The following C14orf39 variants were observed in gnomAD, a reference collection of about 807,000 sequenced individuals.
The protein encoded by C14orf39 is protein SIX6OS1.
In C14orf39, 66 loss-of-function variants were observed where a neutral mutation model predicts 85.6. That is an observed-to-expected ratio of 0.77 (90% confidence interval 0.63 to 0.95). The LOEUF (loss-of-function observed/expected upper bound fraction) is 0.95, where lower values mean the gene tolerates loss of function less well. C14orf39 is among the 40% of genes least tolerant of loss of function. C14orf39 has a pLI of 0.00. For missense variants in C14orf39, 735 were observed against 663.9 expected (o/e 1.11, Z -1.18); for synonymous variants, 242 against 214.0 (o/e 1.13, Z -1.14).
At chr14:60,451,905 G>A (rs1048868459) in intron 16 of C14orf39, among the ~76,000 whole-genome samples, 1 of 151,898 alleles carries the variant, frequency 6.6e-6, no homozygotes, top group African/African-American at 2.4e-5. Flanking sequence ...ATCTCAGGCT[G>A]GGCATGGTGG....
chr14:60,443,602 G>A (rs1203983639), intron 16 of C14orf39, among the ~76,000 whole-genome samples: 1 of 152,182 alleles, frequency 6.6e-6, no homozygotes, highest in Non-Finnish European at 1.5e-5. Flanking sequence ...GGGCACAGCT[G>A]AACAAAAGGC....
chr14:60,449,699 C>T (rs890938570), intron 16 of C14orf39, among the ~76,000 whole-genome samples: 2 of 151,862 alleles, frequency 1.3e-5, no homozygotes, highest in East Asian at 1.9e-4. Context: ...TTTGTTTTTC[C>T]ATTTCACTGA....
intron 4 of C14orf39, among the ~76,000 whole-genome samples, chr14:60,481,492 ATTT>A (rs976220095): frequency 6.6e-6 from 1 of 151,194 alleles, no homozygotes; most frequent in Non-Finnish European, 1.5e-5. Flanking sequence ...CTCCATCTCT[ATTT>A]TTTTTTAAAT....
chr14:60,475,342 C>T (rs760929403), intron 5 of C14orf39, among the ~76,000 whole-genome samples: 5 of 151,788 alleles, frequency 3.3e-5, no homozygotes, highest in Admixed American at 6.6e-5. Context: ...TTCAAAAAAC[C>T]GGCTCCTACA....
chr14:60,469,536 G>C lies in C14orf39; in HGVS notation c.672C>G (p.Asn224Lys), dbSNP rs146480248. ...AAATATATAACAAAATATATACCTGGTTTAAATAATTAATTTCTATTTCCA... is the reference window on the plus strand; with the variant it reads ...AAATATATAACAAAATATATACCTGCTTTAAATAATTAATTTCTATTTCCA... ...DEMEIEINYL[N>K]QQISRHNETK... Residue 224 changes from asparagine (N) to lysine (K), a missense_variant, in exon 8 of 18, where the codon AAC becomes AAG. Transcript: ENST00000321731. 9.7e-6 allele frequency: 13 copies of C among 1,346,620 alleles called. No homozygotes were observed. In the African/African-American group the frequency reaches 1.6e-4, roughly 17 times the overall value. 83.4% of individuals were successfully genotyped at this position (1,346,620 alleles called of 1,614,324 possible). A position where few individuals can be genotyped will look rare whatever the true frequency, so the allele number is the denominator to read the frequency against.
At chr14:60,507,698 T>C (rs761680938) in intron 1 of C14orf39, among the ~76,000 whole-genome samples, 1 of 152,106 alleles carries the variant, frequency 6.6e-6, no homozygotes. Flanking sequence ...CCTCCAACCA[T>C]CTGTGCTATC....
At chr14:60,437,104 A>G (rs1566650686) in intron 17 of C14orf39, 57 bp from the exon 18 acceptor site, 1 of 1,184,284 alleles carries the variant, frequency 8.4e-7, no homozygotes, top group East Asian at 2.4e-5. Flanking sequence ...AATTTTTATA[A>G]CCTACTGAAT....
chr14:60,510,858 A>C (rs1307287745), intron 1 of C14orf39, among the ~76,000 whole-genome samples: 1 of 152,234 alleles, frequency 6.6e-6, no homozygotes, highest in East Asian at 1.9e-4. Flanking sequence ...TGCGGCGCTG[A>C]GAAAGGGCGC....
chr14:60,461,654 G>C lies in C14orf39; in HGVS notation c.973-61C>G, dbSNP rs566682394. 5.1e-5 allele frequency: 51 copies of C among 998,646 alleles called. No homozygotes were observed. The South Asian group carries it at 5.4e-4, about 11-fold the overall frequency. The allele number at this position is 998,646 out of a possible 1,614,324, so 61.9% of individuals were successfully genotyped here. On this transcript the variant is annotated intron_variant, in intron 11 of 17. Transcript: ENST00000321731. The stretch of plus-strand genomic sequence containing the variant: ...ACAAAGCAATAAAAATTTTTTGCTT[G>C]TCGTTAGCAACTCAGAACTCTCATT...
chr14:60,507,349 G>A (rs953280273), intron 1 of C14orf39, among the ~76,000 whole-genome samples: 2 of 152,178 alleles, frequency 1.3e-5, no homozygotes, highest in African/African-American at 4.8e-5. Context: ...CGTGTTCGGG[G>A]CCCTTGTATC....
At chr14:60,469,897 G>C (rs571454731) in intron 7 of C14orf39, among the ~76,000 whole-genome samples, 1 of 147,430 alleles carries the variant, frequency 6.8e-6, no homozygotes, top group South Asian at 2.1e-4. Context: ...ATATTTGTTA[G>C]GATTATTTCA....
intron 9 of C14orf39, among the ~76,000 whole-genome samples, 157 bp from the exon 10 acceptor site, chr14:60,467,201 T>G (rs1451572905): frequency 6.6e-6 from 1 of 151,840 alleles, no homozygotes; most frequent in Non-Finnish European, 1.5e-5. Context: ...CCAAAATGAC[T>G]GAATTACTTA....
intron 1 of C14orf39, chr14:60,510,053 T>C: frequency 8.2e-7 from 1 of 1,226,372 alleles, no homozygotes. Flanking sequence ...ACCCAGTCCC[T>C]GGCGACTCCA....
intron 4 of C14orf39, 52 bp from the exon 5 acceptor site, chr14:60,478,441 G>C: frequency 2.3e-6 from 2 of 854,804 alleles, no homozygotes; most frequent in South Asian, 3.9e-5. Context: ...TAAACAAATT[G>C]ATAGAGATAA....
rs999630000 is a variant in C14orf39, at chr14:60,466,908, A to G, written c.895+9T>C. On this transcript the variant is annotated intron_variant, in intron 10 of 17. Transcript: ENST00000321731. ...AATGATGTTTTTGAATAACAAACAG[A>G]TATTATACCTGCAACTCTTGGTTCT... The G allele has an allele frequency of 1.4e-6, 2 of 1,474,912 alleles. No individual in the cohort carries two copies. Among genetic ancestry groups the G allele is most frequent in the Non-Finnish European group, 1.8e-6 (2 of 1,116,338 alleles). The allele number at this position is 1,474,912 out of a possible 1,614,324, so 91.4% of individuals were successfully genotyped here.
At chr14:60,507,658 C>A (rs1412292684) in intron 1 of C14orf39, among the ~76,000 whole-genome samples, 2 of 152,192 alleles carry the variant, frequency 1.3e-5, no homozygotes, top group Non-Finnish European at 2.9e-5. Context: ...CTTTGCCCTG[C>A]ACTCAGGCGT....
intron 4 of C14orf39, among the ~76,000 whole-genome samples, chr14:60,479,146 C>T (rs1892526452): frequency 2.0e-5 from 3 of 151,874 alleles, no homozygotes; most frequent in Admixed American, 2.0e-4. Flanking sequence ...TGAATAATGA[C>T]TATTATTGTT....
At position 60,511,102 on chromosome 14, in the gene C14orf39, G is replaced by C; in HGVS notation, c.-144+4293C>G. The C allele has an allele frequency of 1.9e-6, 3 of 1,612,862 alleles. No individual in the cohort carries two copies. The South Asian group carries it at 3.3e-5, about 18-fold the overall frequency. ...CCCGTAGACTCCAGCAGCAGGTCCT[G>C]TCACAGGGTTCCGGGCGGGCACTAC... On this transcript the variant is annotated intron_variant, in intron 1 of 5. Transcript: ENST00000556799.
At chr14:60,495,921 G>A (rs1893063631) in intron 2 of C14orf39, 2 of 438,670 alleles carry the variant, frequency 4.6e-6, no homozygotes, top group Non-Finnish European at 9.1e-6. Context: ...TCCAGGGTGT[G>A]AGGTAGCAAA....
Sources: allele counts gnomAD v4.1 joint callset (sites outside exome capture counted in the v4.1 genomes callset), GRCh38; gene constraint gnomAD v4.1.1; transcripts MANE v1.5; gene names NCBI Gene and HGNC (gene_info 2026-07-23, HGNC 2026-07-21).